Variants in ROBO1 observed in about 807,000 individuals in gnomAD.
ROBO1 encodes the protein roundabout homolog 1.
A neutral mutation model predicts 195.9 loss-of-function variants in ROBO1; 149 were observed. That is an observed-to-expected ratio of 0.76 (90% CI 0.67 to 0.87). The LOEUF is 0.87. Ranked by LOEUF, ROBO1 falls within the 40% of genes least tolerant of loss-of-function variation. The pLI, the probability that ROBO1 is intolerant of heterozygous loss-of-function variation, is 0.00. For missense variants in ROBO1, 1,933 were observed against 2,068.3 expected (o/e 0.93, Z 1.27); for synonymous variants, 816 against 733.2 (o/e 1.11, Z -1.82).
intron 3 of ROBO1, among the ~76,000 whole-genome samples, chr3:79,088,317 C>T (rs2079412957): frequency 6.6e-6 from 1 of 152,110 alleles, no homozygotes; most frequent in East Asian, 1.9e-4. Flanking sequence ...GTTTATGCTA[C>T]TGTCCAGGCT....
At chr3:79,241,713 TATATAA>T (rs2082521922) in intron 2 of ROBO1, among the ~76,000 whole-genome samples, 1 of 149,830 alleles carries the variant, frequency 6.7e-6, no homozygotes, top group Admixed American at 6.7e-5. Flanking sequence ...TAACAATATT[TATATAA>T]ATATAAATAA....
At chr3:79,714,783 G>A (rs1702416706) in intron 1 of ROBO1, among the ~76,000 whole-genome samples, 1 of 148,804 alleles carries the variant, frequency 6.7e-6, no homozygotes, top group Non-Finnish European at 1.5e-5. Flanking sequence ...TCACTCATAG[G>A]TGGGAATTGA....
intron 2 of ROBO1, among the ~76,000 whole-genome samples, chr3:79,563,359 G>C (rs1024171660): frequency 1.8e-4 from 28 of 151,986 alleles, no homozygotes; most frequent in African/African-American, 6.5e-4. Context: ...CCCCATAAAA[G>C]CGTGTGTATT....
At chr3:78,757,076 G>C (rs1459056616) in intron 4 of ROBO1, among the ~76,000 whole-genome samples, 1 of 152,068 alleles carries the variant, frequency 6.6e-6, no homozygotes, top group African/African-American at 2.4e-5. Flanking sequence ...ACTTTTAGTA[G>C]AGACAGGGTT....
intron 3 of ROBO1, among the ~76,000 whole-genome samples, chr3:79,066,361 T>G (rs542169526): frequency 1.3e-5 from 2 of 152,068 alleles, no homozygotes; most frequent in African/African-American, 4.8e-5. Context: ...GTTACATGGA[T>G]GTTCTTGTAA....
chr3:79,698,650 GCTAAA>G (rs1947517593), intron 1 of ROBO1, among the ~76,000 whole-genome samples: 1 of 151,470 alleles, frequency 6.6e-6, no homozygotes, highest in South Asian at 2.1e-4. Flanking sequence ...CAGATTTGTA[GCTAAA>G]CTACCATTAA....
At chr3:78,743,307 T>G (rs184595920) in intron 5 of ROBO1, among the ~76,000 whole-genome samples, 6 of 152,196 alleles carry the variant, frequency 3.9e-5, no homozygotes, top group African/African-American at 1.4e-4. Context: ...AGTTGTTAAA[T>G]CCAGTGGTGA....
At chr3:79,486,525 T>A (rs1033348883) in intron 2 of ROBO1, among the ~76,000 whole-genome samples, 1 of 152,156 alleles carries the variant, frequency 6.6e-6, no homozygotes, top group African/African-American at 2.4e-5. Context: ...CCCAAGAAAA[T>A]GCCTACTTTT....
intron 1 of ROBO1, among the ~76,000 whole-genome samples, chr3:79,607,276 T>C (rs1476844524): frequency 1.3e-5 from 2 of 151,330 alleles, no homozygotes; most frequent in Non-Finnish European, 3.0e-5. Flanking sequence ...GTGAATAAAT[T>C]ATATAAAAAT....
chr3:79,378,651 T>G (rs2036465795), intron 2 of ROBO1, among the ~76,000 whole-genome samples: 1 of 152,224 alleles, frequency 6.6e-6, no homozygotes, highest in Admixed American at 6.5e-5. Context: ...ATAGGCTCCC[T>G]TGAGGGAGTG....
chr3:79,013,673 C>A (rs1328882798), intron 3 of ROBO1, among the ~76,000 whole-genome samples: 2 of 152,194 alleles, frequency 1.3e-5, no homozygotes, highest in Admixed American at 1.3e-4. Context: ...CAAATCCCTG[C>A]TGAACCACAT....
intron 4 of ROBO1, among the ~76,000 whole-genome samples, chr3:78,783,745 T>C (rs1400062307): frequency 6.6e-6 from 1 of 152,100 alleles, no homozygotes; most frequent in Non-Finnish European, 1.5e-5. Context: ...ACCAAAACAA[T>C]GGTATAAATC....
intron 3 of ROBO1, among the ~76,000 whole-genome samples, chr3:79,015,424 T>A (rs549515906): frequency 2.2e-4 from 28 of 128,932 alleles, no homozygotes; most frequent in Non-Finnish European, 4.1e-4. Context: ...CAGTAAACTA[T>A]CATTTATTTG....
chr3:79,635,813 CTTAG>C (rs1161159039), intron 1 of ROBO1, among the ~76,000 whole-genome samples: 11 of 152,070 alleles, frequency 7.2e-5, no homozygotes, highest in Admixed American at 6.6e-4. Flanking sequence ...AATTATTGCA[CTTAG>C]TTAGATAAAC....
chr3:78,880,895 C>T (rs1192701452), intron 4 of ROBO1, among the ~76,000 whole-genome samples: 6 of 152,176 alleles, frequency 3.9e-5, no homozygotes, highest in Non-Finnish European at 7.3e-5. Context: ...AATTTCTCCA[C>T]ATTCTGATCC....
At chr3:78,887,067 A>AT (rs2107325688) in intron 4 of ROBO1, among the ~76,000 whole-genome samples, 1 of 152,168 alleles carries the variant, frequency 6.6e-6, no homozygotes, top group East Asian at 1.9e-4. Context: ...CTTAGCAAAT[A>AT]TTTTGACCAC....
intron 21 of ROBO1, among the ~76,000 whole-genome samples, chr3:78,643,874 A>G (rs1706119765): frequency 6.6e-6 from 1 of 152,166 alleles, no homozygotes; most frequent in South Asian, 2.1e-4. Context: ...TTGAAATGAA[A>G]CAATATGAGA....
intron 1 of ROBO1, among the ~76,000 whole-genome samples, chr3:79,690,860 C>A (rs1947278522): frequency 6.6e-6 from 1 of 151,760 alleles, no homozygotes; most frequent in African/African-American, 2.4e-5. Context: ...AAGTACATAT[C>A]CTTGTGTGAG....
rs1292818888 is a variant in ROBO1 at position 79,440,597 on chromosome 3, C to T, written c.88+149227G>A. On this transcript the variant is annotated intron_variant, in intron 2 of 30. Coordinates refer to ENST00000464233, the MANE Select transcript of ROBO1 (RefSeq NM_002941.4). The stretch of plus-strand genomic sequence containing the variant: ...AGCTCCCCTTGTTTATATGTGTGTT[C>T]CCTATGCGCACTTCTTTGTTCTGGT... 3.9e-5 allele frequency among the ~76,000 whole-genome samples: 6 copies of T among 152,208 alleles called. No individual in the cohort carries two copies. In the East Asian group the frequency reaches 1.2e-3, roughly 29 times the overall value.
Sources: allele counts gnomAD v4.1 joint callset (sites outside exome capture counted in the v4.1 genomes callset), GRCh38; gene constraint gnomAD v4.1.1; transcripts MANE v1.5; gene names NCBI Gene and HGNC (gene_info 2026-07-23, HGNC 2026-07-21).